The following MYMX variants were observed in gnomAD, a reference collection of about 807,000 sequenced individuals.
MYMX encodes the protein protein myomixer.
chr6:44,214,596 G>C (rs1466573560), upstream of MYMX, among the ~76,000 whole-genome samples: 1 of 152,058 alleles, frequency 6.6e-6, no homozygotes, highest in East Asian at 1.9e-4. Context: ...TTTTTGAGAT[G>C]GAGTCTCACT....
At position 44,218,015 on chromosome 6, in the gene MYMX, C is replaced by T. The variant is rs1775976616; in HGVS notation, c.*289C>T. Reference sequence around the variant, plus strand: ...GCCTCAGGCGGGAGGGGAACTAACACCCACCCACCCCTGCCCTCCCTGCAA... The same window carrying T: ...GCCTCAGGCGGGAGGGGAACTAACATCCACCCACCCCTGCCCTCCCTGCAA... On this transcript the variant is annotated 3_prime_UTR_variant, in exon 2 of 2. Transcript: ENST00000573382. 2 of 292,846 alleles carry T rather than the reference C, an allele frequency of 6.8e-6. No homozygotes were observed. The highest frequency in any genetic ancestry group is 1.3e-5 in the Non-Finnish European group (2 of 159,062). 18.1% of individuals were successfully genotyped at this position (292,846 alleles called of 1,614,324 possible). A position where few individuals can be genotyped will look rare whatever the true frequency, so the allele number is the denominator to read the frequency against.
the MYMX span, among the ~76,000 whole-genome samples, chr6:44,196,056 C>T: frequency 6.6e-6 from 1 of 152,170 alleles, no homozygotes; most frequent in Non-Finnish European, 1.5e-5. Context: ...GATTCCCCTG[C>T]CTCAGCCTCC....
chr6:44,199,022 C>A, the MYMX span, among the ~76,000 whole-genome samples: 1 of 152,156 alleles, frequency 6.6e-6, no homozygotes, highest in African/African-American at 2.4e-5. Flanking sequence ...CCTTCACTGA[C>A]CAGCAATTCC....
chr6:44,210,313 A>C, the MYMX span, among the ~76,000 whole-genome samples: 1 of 144,752 alleles, frequency 6.9e-6, no homozygotes, highest in African/African-American at 2.6e-5. Context: ...TTTTGGAGAC[A>C]GGATCTCCTC....
chr6:44,214,764 G>C (rs1416335043), upstream of MYMX, among the ~76,000 whole-genome samples: 2 of 152,074 alleles, frequency 1.3e-5, no homozygotes, highest in African/African-American at 4.8e-5. Context: ...GTAGAGATGG[G>C]GTTTCACCGT....
the MYMX span, among the ~76,000 whole-genome samples, chr6:44,203,328 A>G: frequency 6.6e-6 from 1 of 152,340 alleles, no homozygotes; most frequent in Non-Finnish European, 1.5e-5. Context: ...CGTAAACCAA[A>G]AAAAAAGTGT....
At chr6:44,212,125 G>A (rs530804194), upstream of MYMX, among the ~76,000 whole-genome samples, 5 of 152,160 alleles carry the variant, frequency 3.3e-5, no homozygotes, top group South Asian at 8.3e-4. Flanking sequence ...GATCATGCCT[G>A]TAATTCCAGC....
chr6:44,205,858 T>C, the MYMX span, among the ~76,000 whole-genome samples: 1 of 151,444 alleles, frequency 6.6e-6, no homozygotes, highest in Non-Finnish European at 1.5e-5. Context: ...TGCATGCCTG[T>C]AGTCTCAGCT....
chr6:44,195,686 C>A, the MYMX span, among the ~76,000 whole-genome samples: 1 of 152,164 alleles, frequency 6.6e-6, no homozygotes, highest in Non-Finnish European at 1.5e-5. Flanking sequence ...TATTATTGTT[C>A]ATGTATCATA....
At chr6:44,193,804 G>C in the MYMX span, among the ~76,000 whole-genome samples, 57 of 152,254 alleles carry the variant, frequency 3.7e-4, no homozygotes, top group South Asian at 0.011. Flanking sequence ...CCAAAACATG[G>C]TGAAAACCTG....
At chr6:44,213,259 G>C (rs1019863110), upstream of MYMX, among the ~76,000 whole-genome samples, 5 of 151,578 alleles carry the variant, frequency 3.3e-5, no homozygotes, top group South Asian at 1.0e-3. Context: ...GGTGGCGCAT[G>C]CCTGTAGTCC....
the MYMX span, among the ~76,000 whole-genome samples, chr6:44,199,399 T>G: frequency 3.3e-5 from 5 of 152,042 alleles, no homozygotes; most frequent in Non-Finnish European, 7.4e-5. Context: ...AGTTTCATCA[T>G]GTTGCCCAGG....
rs559711092 is a variant in MYMX at position 44,217,767 on chromosome 6, T to C, written c.*41T>C. The C allele has an allele frequency of 5.5e-4, 221 of 400,964 alleles. No individual in the cohort carries two copies. The highest frequency in any genetic ancestry group is 4.3e-3 in the African/African-American group (212 of 48,832). 24.8% of individuals were successfully genotyped at this position (400,964 alleles called of 1,614,324 possible). A position where few individuals can be genotyped will look rare whatever the true frequency, so the allele number is the denominator to read the frequency against. On this transcript the variant is annotated 3_prime_UTR_variant, in exon 2 of 2. Coordinates refer to ENST00000573382, the MANE Select transcript of MYMX (RefSeq NM_001315494.2). ...CAGCAGCTGTATCCACAAAATGCTT[T>C]CTTTTGGAGTAGGATAATCCTGGCA...
the MYMX span, among the ~76,000 whole-genome samples, chr6:44,195,926 T>C: frequency 6.6e-6 from 1 of 152,136 alleles, no homozygotes. Context: ...AGAACATGAA[T>C]GGACAATTTT....
the MYMX span, chr6:44,209,688 G>A: frequency 6.6e-6 from 1 of 151,910 alleles, no homozygotes; most frequent in Non-Finnish European, 1.5e-5. Flanking sequence ...CCAAGGCAGG[G>A]GGATCACAAG....
chr6:44,207,194 G>A, the MYMX span, among the ~76,000 whole-genome samples: 7 of 151,900 alleles, frequency 4.6e-5, no homozygotes, highest in South Asian at 2.1e-4. Flanking sequence ...GGAGTCTCGC[G>A]GTCTCCCAGG....
chr6:44,197,308 G>A, the MYMX span, among the ~76,000 whole-genome samples: 79 of 151,438 alleles, frequency 5.2e-4, 2 homozygotes, highest in South Asian at 8.0e-3. Context: ...GGAGGCAGGC[G>A]GATCATTTGA....
Position 44,217,780 on chromosome 6 carries a change from G to T in MYMX, c.*54G>T. 2.5e-6 allele frequency: 1 copy of T among 400,896 alleles called. No homozygotes were observed. The highest frequency in any genetic ancestry group is 1.3e-4 in the South Asian group (1 of 7,868). The allele number at this position is 400,896 out of a possible 1,614,324, so 24.8% of individuals were successfully genotyped here. A position where few individuals can be genotyped will look rare whatever the true frequency, so the allele number is the denominator to read the frequency against. On this transcript the variant is annotated 3_prime_UTR_variant, in exon 2 of 2. Transcript: ENST00000573382. Reference sequence around the variant, plus strand: ...CACAAAATGCTTTCTTTTGGAGTAGGATAATCCTGGCACCAGCACTGACCG... The same window carrying T: ...CACAAAATGCTTTCTTTTGGAGTAGTATAATCCTGGCACCAGCACTGACCG...
At chr6:44,216,527 C>CT (rs1192616602), upstream of MYMX, among the ~76,000 whole-genome samples, 1 of 151,928 alleles carries the variant, frequency 6.6e-6, no homozygotes, top group Non-Finnish European at 1.5e-5. Flanking sequence ...TGGCACACTC[C>CT]TATAATCCCA....
Sources: gnomAD v4.1 joint callset for allele counts (sites outside exome capture counted in the v4.1 genomes callset) on GRCh38, gnomAD v4.1.1 for gene constraint, MANE v1.5 for transcripts, NCBI Gene and HGNC (gene_info 2026-07-23, HGNC 2026-07-21) for gene names.